PGAP4: variants seen among roughly 807,000 people sequenced by gnomAD.
PGAP4 encodes the protein GPI-N-acetylgalactosamine transferase PGAP4.
Under a neutral mutation model 28.2 loss-of-function variants are expected in PGAP4, and 12 were observed. That is an observed-to-expected ratio of 0.42 (90% CI 0.27 to 0.69). The LOEUF is 0.69. Ranked by LOEUF, PGAP4 falls within the 30% of genes least tolerant of loss-of-function variation. The pLI, the probability that PGAP4 is intolerant of heterozygous loss-of-function variation, is 0.22. For missense variants in PGAP4, 425 were observed against 513.5 expected, an observed-to-expected ratio of 0.83 and a Z score of 1.67; for synonymous variants, 205 against 211.8, an observed-to-expected ratio of 0.97 and a Z score of 0.28.
chr9:101,487,776 T>C (rs1261107678), upstream of PGAP4, among the ~76,000 whole-genome samples: 1 of 152,194 alleles, frequency 6.6e-6, no homozygotes, highest in Non-Finnish European at 1.5e-5. Context: ...TATTTCATGG[T>C]TAAAAATGGA....
At position 101,510,412 on chromosome 9, in the gene PGAP4, G is replaced by A. The variant is rs561805293; in HGVS notation, c.-165+20936C>T. Among the ~76,000 whole-genome samples the A allele has an allele frequency of 8.6e-4, 131 of 152,076 alleles. 1 individual carries two copies. In the Middle Eastern group the frequency reaches 0.031, roughly 36 times the overall value. ...TTTTTTTCTTTTGAAAAACTGCAGA[G>A]GCTTACCTTTTAATGCAGGGTGCTT... is the stretch of plus-strand genomic sequence containing the variant. On this transcript the variant is annotated intron_variant, in intron 2 of 3. Transcript: ENST00000374851.
At chr9:101,521,332 A>C (rs948748141) in intron 2 of PGAP4, among the ~76,000 whole-genome samples, 1 of 152,152 alleles carries the variant, frequency 6.6e-6, no homozygotes, top group East Asian at 1.9e-4. Context: ...CTGTGAATCC[A>C]TGTGGTCCTG....
At chr9:101,493,711 T>C (rs1304221258) in intron 2 of PGAP4, among the ~76,000 whole-genome samples, 1 of 152,208 alleles carries the variant, frequency 6.6e-6, no homozygotes, top group Non-Finnish European at 1.5e-5. Context: ...CTTTTCTTTT[T>C]GATTTGTACT....
chr9:101,473,459 G>C lies in PGAP4; in HGVS notation c.*2422C>G, dbSNP rs1826210243. 1 of 152,206 alleles carries C rather than the reference G, an allele frequency of 6.6e-6. No homozygotes were observed. The highest frequency in any genetic ancestry group is 1.5e-5 in the Non-Finnish European group (1 of 68,054). 9.4% of individuals were successfully genotyped at this position (152,206 alleles called of 1,614,324 possible). On this transcript the variant is annotated 3_prime_UTR_variant, in exon 2 of 2. Coordinates refer to ENST00000374848, the MANE Select transcript of PGAP4 (RefSeq NM_032342.3). ...AAATTAGACTCCTTATAAGAATAAG[G>C]GATTAAATGGAGGAAGATCTAGAAG...
At chr9:101,530,447 C>T (rs933957830) in intron 2 of PGAP4, among the ~76,000 whole-genome samples, 1 of 152,044 alleles carries the variant, frequency 6.6e-6, no homozygotes, top group Admixed American at 6.5e-5. Context: ...TTACTATTTG[C>T]TTAAATTATG....
chr9:101,488,852 G>A (rs113016275), upstream of PGAP4, among the ~76,000 whole-genome samples: 154 of 152,276 alleles, frequency 1.0e-3, 1 homozygote, highest in African/African-American at 3.4e-3. Context: ...ATCACAGAAA[G>A]TTCTATGAGA....
intron 1 of PGAP4, among the ~76,000 whole-genome samples, chr9:101,485,868 CTT>C (rs1826601633): frequency 6.6e-6 from 1 of 152,076 alleles, no homozygotes; most frequent in African/African-American, 2.4e-5. Flanking sequence ...TTGATTTTCT[CTT>C]CTCACCTCAT....
intron 1 of PGAP4, among the ~76,000 whole-genome samples, chr9:101,482,214 G>A (rs568844060): frequency 1.7e-4 from 26 of 152,368 alleles, no homozygotes; most frequent in African/African-American, 5.8e-4. Flanking sequence ...TTGGGACGCC[G>A]AGGCAGGCGG....
intron 2 of PGAP4, among the ~76,000 whole-genome samples, chr9:101,506,679 A>C (rs1365956879): frequency 6.6e-6 from 1 of 152,096 alleles, no homozygotes; most frequent in Non-Finnish European, 1.5e-5. Flanking sequence ...GCCATGTCTA[A>C]TACTAGTATT....
At chr9:101,532,469 C>G (rs1827107542) in intron 1 of PGAP4, among the ~76,000 whole-genome samples, 1 of 152,118 alleles carries the variant, frequency 6.6e-6, no homozygotes, top group African/African-American at 2.4e-5. Context: ...CCACGCAGGA[C>G]AGCCAATACT....
intron 2 of PGAP4, among the ~76,000 whole-genome samples, chr9:101,523,310 T>C (rs547728657): frequency 2.6e-5 from 4 of 152,262 alleles, no homozygotes; most frequent in African/African-American, 7.2e-5. Flanking sequence ...TCCAAGCTTT[T>C]AGAATTCTCT....
intron 2 of PGAP4, among the ~76,000 whole-genome samples, chr9:101,519,429 G>T (rs1025603051): frequency 1.3e-5 from 2 of 152,122 alleles, no homozygotes; most frequent in East Asian, 3.9e-4. Context: ...AAAGTGCTAG[G>T]ATTACAGGCA....
At chr9:101,521,772 CTTGT>C (rs1826990247) in intron 2 of PGAP4, among the ~76,000 whole-genome samples, 1 of 151,714 alleles carries the variant, frequency 6.6e-6, no homozygotes, top group South Asian at 2.1e-4. Context: ...TTGGTTTGTT[CTTGT>C]TTCTTAGTTC....
chr9:101,515,418 C>T (rs1826935610), intron 2 of PGAP4, among the ~76,000 whole-genome samples: 1 of 151,966 alleles, frequency 6.6e-6, no homozygotes, highest in Admixed American at 6.6e-5. Flanking sequence ...GACCCTTTTG[C>T]CATATAAGGT....
At chr9:101,497,812 G>C (rs184730716) in intron 2 of PGAP4, among the ~76,000 whole-genome samples, 3 of 151,524 alleles carry the variant, frequency 2.0e-5, no homozygotes, top group Non-Finnish European at 4.4e-5. Context: ...AAGGGAATTT[G>C]GGTCAACTAA....
chr9:101,495,223 TTA>T (rs1158609696), intron 2 of PGAP4, among the ~76,000 whole-genome samples: 34 of 75,372 alleles, frequency 4.5e-4, no homozygotes, highest in Non-Finnish European at 7.6e-4. Context: ...TTTATATATA[TTA>T]TATATATTTT....
At chr9:101,524,413 C>G (rs150010208) in intron 2 of PGAP4, among the ~76,000 whole-genome samples, 1 of 152,100 alleles carries the variant, frequency 6.6e-6, no homozygotes, top group South Asian at 2.1e-4. Flanking sequence ...CTCCCAGCTG[C>G]GAAAGAAAAG....
At chr9:101,494,556 T>C (rs1826719854) in intron 2 of PGAP4, among the ~76,000 whole-genome samples, 1 of 151,902 alleles carries the variant, frequency 6.6e-6, no homozygotes. Flanking sequence ...TGTTTAATCC[T>C]GATTAGTAGT....
At chr9:101,482,866 G>A (rs779738938) in intron 1 of PGAP4, among the ~76,000 whole-genome samples, 5 of 152,000 alleles carry the variant, frequency 3.3e-5, no homozygotes, top group African/African-American at 2.4e-5. Flanking sequence ...TATAGCTACC[G>A]CTTATTAAGG....
Sources: allele counts gnomAD v4.1 joint callset (sites outside exome capture counted in the v4.1 genomes callset), GRCh38; gene constraint gnomAD v4.1.1; transcripts MANE v1.5; gene names NCBI Gene and HGNC (gene_info 2026-07-23, HGNC 2026-07-21).